Variants in CAB39L observed in about 807,000 individuals in gnomAD.
CAB39L encodes calcium binding protein 39 like.
Under a neutral mutation model 39.1 loss-of-function variants are expected in CAB39L, and 23 were observed. The observed-to-expected ratio is 0.59, with a 90% CI of 0.42 to 0.83. CAB39L has a LOEUF of 0.83. CAB39L is among the 40% of genes least tolerant of loss of function. The pLI is 0.00. For synonymous variants in CAB39L, 126 were observed against 137.2 expected, an observed-to-expected ratio of 0.92 and a Z score of 0.57; for missense variants, 366 against 391.9, an observed-to-expected ratio of 0.93 and a Z score of 0.56.
At chr13:49,429,802 C>T (rs922540011) in intron 3 of CAB39L, among the ~76,000 whole-genome samples, 3 of 152,142 alleles carry the variant, frequency 2.0e-5, no homozygotes, top group Middle Eastern at 3.2e-3. Flanking sequence ...TGGGATTGAA[C>T]ACTCCTTTTT....
In CAB39L at chr13:49,339,700, C is replaced by T. The variant is rs1954950240; in HGVS notation, c.667G>A (p.Val223Ile). The T allele has an allele frequency of 6.3e-7, 1 of 1,579,062 alleles. No homozygotes were observed. The highest frequency in any genetic ancestry group is 8.6e-7 in the Non-Finnish European group (1 of 1,164,892). ...YEKLLQSENY[V>I]TKRQSLKLLG... Reference sequence around the variant, plus strand: ...ACCTTTAAAGACTGTCTCTTAGTAACATAATTCTCAGACTGAAGCAATTTC... The same window carrying T: ...ACCTTTAAAGACTGTCTCTTAGTAATATAATTCTCAGACTGAAGCAATTTC... Residue 223 changes from valine to isoleucine, a missense_variant, in exon 9 of 11, where the codon GTT (valine) becomes ATT (isoleucine). Transcript: ENST00000409308.
chr13:49,379,927 C>T (rs148095471), intron 4 of CAB39L, among the ~76,000 whole-genome samples: 3,045 of 151,612 alleles, frequency 0.02, 51 homozygotes, highest in Non-Finnish European at 0.03. Context: ...CTGCAAGCTC[C>T]GCCTCCCAGG....
chr13:49,382,718 A>T, intron 4 of CAB39L, 82 bp downstream of exon 4: 2 of 843,098 alleles, frequency 2.4e-6, no homozygotes, highest in Non-Finnish European at 4.0e-6. Flanking sequence ...CCATATTTTG[A>T]ATTCTTCATT....
chr13:49,339,088 A>G (rs1411950224), intron 9 of CAB39L, among the ~76,000 whole-genome samples: 2 of 151,136 alleles, frequency 1.3e-5, no homozygotes, highest in Non-Finnish European at 2.9e-5. Context: ...TGTGCTTAAA[A>G]CTTAGAGGGA....
chr13:49,376,820 T>C, intron 5 of CAB39L, 147 bp downstream of exon 5: 1 of 607,064 alleles, frequency 1.6e-6, no homozygotes, highest in East Asian at 2.7e-5. Context: ...AATAGATTAA[T>C]TGTAGACATT....
At chr13:49,380,539 G>T (rs1214419293) in intron 4 of CAB39L, among the ~76,000 whole-genome samples, 1 of 152,166 alleles carries the variant, frequency 6.6e-6, no homozygotes, top group Admixed American at 6.5e-5. Flanking sequence ...TGGCTCCAGG[G>T]TTTCTTTTGG....
intron 3 of CAB39L, among the ~76,000 whole-genome samples, chr13:49,420,631 C>T: frequency 6.6e-6 from 1 of 152,156 alleles, no homozygotes. Flanking sequence ...ACATATTTTT[C>T]TTTATTCTTC....
intron 5 of CAB39L, among the ~76,000 whole-genome samples, chr13:49,375,471 C>T (rs1176463361): frequency 6.6e-6 from 1 of 151,832 alleles, no homozygotes; most frequent in Non-Finnish European, 1.5e-5. Context: ...AAGATGGAGA[C>T]CTAAGATGGA....
intron 4 of CAB39L, among the ~76,000 whole-genome samples, chr13:49,381,143 A>T (rs1191744907): frequency 2.0e-5 from 3 of 152,014 alleles, no homozygotes; most frequent in Non-Finnish European, 4.4e-5. Flanking sequence ...GGCCAGGCTG[A>T]TCTCGAACTC....
chr13:49,438,245 C>A (rs973624953), intron 1 of CAB39L, among the ~76,000 whole-genome samples: 1 of 152,178 alleles, frequency 6.6e-6, no homozygotes, highest in African/African-American at 2.4e-5. Flanking sequence ...AGGCAAACAA[C>A]CTTATTCTAC....
At chr13:49,364,222 G>T (rs546632209) in intron 5 of CAB39L, among the ~76,000 whole-genome samples, 19 of 152,314 alleles carry the variant, frequency 1.2e-4, no homozygotes, top group Non-Finnish European at 2.6e-4. Context: ...TACAACAATA[G>T]CAGATCTTAG....
At chr13:49,419,112 T>G (rs533057318) in intron 3 of CAB39L, among the ~76,000 whole-genome samples, 2 of 151,858 alleles carry the variant, frequency 1.3e-5, no homozygotes, top group Admixed American at 6.6e-5. Flanking sequence ...TGATTACAGG[T>G]GCATGCCACC....
intron 5 of CAB39L, among the ~76,000 whole-genome samples, chr13:49,366,384 G>T (rs940259711): frequency 7.9e-5 from 12 of 151,984 alleles, no homozygotes; most frequent in African/African-American, 2.9e-4. Flanking sequence ...AGAGAAAAAA[G>T]AAATAAATAA....
chr13:49,441,922 A>G (rs1957531996), intron 1 of CAB39L, among the ~76,000 whole-genome samples: 1 of 152,130 alleles, frequency 6.6e-6, no homozygotes, highest in Non-Finnish European at 1.5e-5. Context: ...TGTGATAAGG[A>G]TATGATTAAT....
At chr13:49,373,539 CT>C (rs1405124218) in intron 5 of CAB39L, among the ~76,000 whole-genome samples, 1 of 152,188 alleles carries the variant, frequency 6.6e-6, no homozygotes, top group Non-Finnish European at 1.5e-5. Context: ...TATTCACGTA[CT>C]GAAATCATAT....
chr13:49,355,478 T>C (rs1197692775), intron 6 of CAB39L, among the ~76,000 whole-genome samples: 1 of 152,152 alleles, frequency 6.6e-6, no homozygotes, highest in Non-Finnish European at 1.5e-5. Context: ...AACCAGATTG[T>C]AGTCTCTAAG....
intron 3 of CAB39L, among the ~76,000 whole-genome samples, chr13:49,432,737 T>C (rs1423882140): frequency 1.3e-5 from 2 of 152,018 alleles, no homozygotes; most frequent in East Asian, 3.9e-4. Flanking sequence ...ACTTGTGGAG[T>C]TTTAGAAACT....
At chr13:49,385,192 C>T (rs1283815500) in intron 3 of CAB39L, among the ~76,000 whole-genome samples, 1 of 152,216 alleles carries the variant, frequency 6.6e-6, no homozygotes, top group East Asian at 1.9e-4. Context: ...CTATAAATAG[C>T]ACTTGCTGCT....
intron 5 of CAB39L, among the ~76,000 whole-genome samples, chr13:49,366,781 T>C (rs555568635): frequency 6.6e-6 from 1 of 152,120 alleles, no homozygotes; most frequent in African/African-American, 2.4e-5. Flanking sequence ...TTTAGGAAGC[T>C]AAGGCAGGCA....
Sources: gnomAD v4.1 joint callset for allele counts (sites outside exome capture counted in the v4.1 genomes callset) on GRCh38, gnomAD v4.1.1 for gene constraint, MANE v1.5 for transcripts, NCBI Gene and HGNC (gene_info 2026-07-23, HGNC 2026-07-21) for gene names.